TECRL: variants seen among roughly 807,000 people sequenced by gnomAD.
TECRL encodes trans-2,3-enoyl-CoA reductase-like.
In TECRL, 63 loss-of-function variants were observed where a neutral mutation model predicts 52.8. The ratio of observed to expected loss-of-function variants is 1.19; its 90% CI spans 0.97 to 1.47. TECRL has a LOEUF of 1.47. Among genes scored for constraint, TECRL ranks in the 40% most tolerant of loss-of-function variants. The pLI is 0.00. For synonymous variants in TECRL, 164 were observed against 141.9 expected (o/e 1.16, Z -1.10); for missense variants, 482 against 429.6 (o/e 1.12, Z -1.08).
chr4:64,312,600 A>T (rs545149796), intron 5 of TECRL, among the ~76,000 whole-genome samples: 24 of 151,458 alleles, frequency 1.6e-4, no homozygotes, highest in African/African-American at 5.1e-4. Flanking sequence ...CATCTCTAAA[A>T]TTTTTTTTTA....
At chr4:64,291,237 T>C (rs1441028561) in intron 8 of TECRL, among the ~76,000 whole-genome samples, 3 of 152,080 alleles carry the variant, frequency 2.0e-5, no homozygotes, top group Admixed American at 2.0e-4. Flanking sequence ...ATTTGCTCAA[T>C]AAAATTATTG....
chr4:64,383,709 T>A (rs983853158), intron 1 of TECRL, among the ~76,000 whole-genome samples: 4 of 152,118 alleles, frequency 2.6e-5, no homozygotes, highest in African/African-American at 9.7e-5. Flanking sequence ...TAATATTATC[T>A]TGAATTTATT....
chr4:64,359,723 C>G (rs151035468), intron 2 of TECRL, among the ~76,000 whole-genome samples: 1 of 152,010 alleles, frequency 6.6e-6, no homozygotes, highest in South Asian at 2.1e-4. Context: ...GGCAAAATGG[C>G]TCTCCCTTAA....
At chr4:64,376,410 A>G (rs1390928564) in intron 1 of TECRL, among the ~76,000 whole-genome samples, 1 of 151,976 alleles carries the variant, frequency 6.6e-6, no homozygotes, top group Non-Finnish European at 1.5e-5. Flanking sequence ...TTTCATGGCA[A>G]TGCTCTTCTC....
At chr4:64,318,749 A>T (rs965340262) in intron 4 of TECRL, among the ~76,000 whole-genome samples, 1 of 152,048 alleles carries the variant, frequency 6.6e-6, no homozygotes, top group African/African-American at 2.4e-5. Context: ...AAAGTTAATA[A>T]GGACATGTTA....
intron 2 of TECRL, among the ~76,000 whole-genome samples, chr4:64,348,988 T>C (rs371399441): frequency 6.6e-6 from 1 of 150,540 alleles, no homozygotes; most frequent in South Asian, 2.1e-4. Flanking sequence ...GGAGAACAGA[T>C]TCAAGAGAAA....
At chr4:64,309,318 T>C (rs1332205100) in intron 6 of TECRL, among the ~76,000 whole-genome samples, 1 of 152,142 alleles carries the variant, frequency 6.6e-6, no homozygotes, top group Admixed American at 6.6e-5. Context: ...CAACATGTTG[T>C]CTAATGTACT....
At chr4:64,293,822 C>T (rs1723527487) in intron 8 of TECRL, among the ~76,000 whole-genome samples, 1 of 151,530 alleles carries the variant, frequency 6.6e-6, no homozygotes, top group South Asian at 2.1e-4. Flanking sequence ...TTCTGGTTTC[C>T]ACAATAAAAA....
chr4:64,399,058 T>G (rs1035322202), intron 1 of TECRL, among the ~76,000 whole-genome samples: 8 of 152,126 alleles, frequency 5.3e-5, no homozygotes, highest in African/African-American at 1.9e-4. Flanking sequence ...CTTGTTTTAT[T>G]TTGTTGTTTT....
intron 8 of TECRL, among the ~76,000 whole-genome samples, chr4:64,296,067 T>C (rs1723662949): frequency 6.6e-6 from 1 of 151,992 alleles, no homozygotes; most frequent in Non-Finnish European, 1.5e-5. Flanking sequence ...CTTTTATTGG[T>C]ACCTATCAAT....
At chr4:64,341,572 T>C (rs1464931689) in intron 2 of TECRL, among the ~76,000 whole-genome samples, 1 of 151,814 alleles carries the variant, frequency 6.6e-6, no homozygotes, top group Non-Finnish European at 1.5e-5. Context: ...ATCATTGCAC[T>C]CCAGCCTGGG....
At chr4:64,298,429 A>G (rs192473768) in intron 8 of TECRL, among the ~76,000 whole-genome samples, 1,531 of 151,362 alleles carry the variant, frequency 0.01, 14 homozygotes, top group Middle Eastern at 0.034. Flanking sequence ...GGGGAAAAAA[A>G]GTATAATTGC....
chr4:64,395,579 C>T (rs891071944), intron 1 of TECRL, among the ~76,000 whole-genome samples: 5 of 152,128 alleles, frequency 3.3e-5, no homozygotes, highest in African/African-American at 9.7e-5. Flanking sequence ...CTAAAATAAG[C>T]ATCAAACAAA....
At chr4:64,402,381 A>C (rs1724413816) in intron 1 of TECRL, among the ~76,000 whole-genome samples, 1 of 152,120 alleles carries the variant, frequency 6.6e-6, no homozygotes, top group African/African-American at 2.4e-5. Flanking sequence ...TTTTATGATT[A>C]AAATAGTAGG....
chr4:64,291,568 C>T (rs1036303468), intron 8 of TECRL, among the ~76,000 whole-genome samples: 23 of 151,830 alleles, frequency 1.5e-4, no homozygotes, highest in South Asian at 4.2e-4. Flanking sequence ...TCTGATGAAA[C>T]GTATTTGTTT....
intron 2 of TECRL, among the ~76,000 whole-genome samples, chr4:64,342,494 T>C (rs1479317405): frequency 2.0e-5 from 3 of 151,942 alleles, no homozygotes; most frequent in Non-Finnish European, 4.4e-5. Context: ...ATGATTTTAG[T>C]TAAATGTGAG....
chr4:64,348,316 A>C (rs1720140181), intron 2 of TECRL, among the ~76,000 whole-genome samples: 1 of 152,200 alleles, frequency 6.6e-6, no homozygotes, highest in Admixed American at 6.5e-5. Context: ...AGATCTTGCG[A>C]GAATTCACTC....
chr4:64,322,173 C>T (rs1717945395), intron 4 of TECRL, among the ~76,000 whole-genome samples: 1 of 152,028 alleles, frequency 6.6e-6, no homozygotes, highest in African/African-American at 2.4e-5. Context: ...ATCAGATCAC[C>T]CCACCAGATG....
chr4:64,365,920 C>A (rs941899903), intron 2 of TECRL, among the ~76,000 whole-genome samples: 1 of 151,956 alleles, frequency 6.6e-6, no homozygotes, highest in African/African-American at 2.4e-5. Flanking sequence ...AGATCCCAAA[C>A]AGCCAAAGGA....
Sources: gnomAD v4.1 joint callset for allele counts (sites outside exome capture counted in the v4.1 genomes callset) on GRCh38, gnomAD v4.1.1 for gene constraint, MANE v1.5 for transcripts, NCBI Gene and HGNC (gene_info 2026-07-23, HGNC 2026-07-21) for gene names.